Variants in SFRP1 observed in about 807,000 individuals in gnomAD.
The protein encoded by SFRP1 is secreted frizzled related protein 1.
SFRP1 carries 9 observed loss-of-function variants against 25.9 expected under a neutral mutation model. The observed-to-expected ratio is 0.35, with a 90% CI of 0.21 to 0.61. The LOEUF (loss-of-function observed/expected upper bound fraction) is 0.61. Among genes scored for constraint, SFRP1 ranks in the 20% least tolerant of loss-of-function variants. The probability of loss-of-function intolerance (pLI) is 0.78; values close to 1 mark genes in which losing one functional copy is unlikely to be tolerated. For synonymous variants in SFRP1, 178 were observed against 174.0 expected (o/e 1.02, Z -0.18); for missense variants, 346 against 418.2 (o/e 0.83, Z 1.51).
chr8:41,300,041 A>C (rs1803895844), intron 2 of SFRP1, among the ~76,000 whole-genome samples: 1 of 152,202 alleles, frequency 6.6e-6, no homozygotes, highest in Admixed American at 6.5e-5. Flanking sequence ...CCCAAGGTTT[A>C]GTTTGGAAAG....
At chr8:41,286,507 G>T (rs1279087882) in intron 2 of SFRP1, among the ~76,000 whole-genome samples, 2 of 152,104 alleles carry the variant, frequency 1.3e-5, no homozygotes, top group Non-Finnish European at 2.9e-5. Flanking sequence ...AGCGGGGCGG[G>T]GGGAGGGGGT....
At chr8:41,296,736 G>A (rs2117511812) in intron 2 of SFRP1, among the ~76,000 whole-genome samples, 1 of 152,234 alleles carries the variant, frequency 6.6e-6, no homozygotes, top group East Asian at 1.9e-4. Context: ...GCACAAAGGG[G>A]CTCTGAAGTC....
At chr8:41,274,561 A>C (rs1458687871) in intron 2 of SFRP1, among the ~76,000 whole-genome samples, 2 of 152,230 alleles carry the variant, frequency 1.3e-5, no homozygotes, top group African/African-American at 4.8e-5. Flanking sequence ...CTTTAACTTC[A>C]ATAACAGAAA....
intron 2 of SFRP1, among the ~76,000 whole-genome samples, chr8:41,296,989 G>A (rs1478643328): frequency 6.6e-6 from 1 of 152,122 alleles, no homozygotes; most frequent in Non-Finnish European, 1.5e-5. Context: ...GGAGTTGTTT[G>A]TTATTGTTAT....
At position 41,262,997 on chromosome 8, in the gene SFRP1, ATT is replaced by A. The variant is rs1803392672; in HGVS notation, c.*2168_*2169del. The A allele has an allele frequency of 6.6e-6, 1 of 152,182 alleles. No individual in the cohort carries two copies. Among genetic ancestry groups the A allele is most frequent in the Admixed American group, 6.5e-5 (1 of 15,286 alleles). The allele number at this position is 152,182 out of a possible 1,614,324, so 9.4% of individuals were successfully genotyped here. On this transcript the variant is annotated 3_prime_UTR_variant, in exon 3 of 3. Coordinates refer to ENST00000220772, the MANE Select transcript of SFRP1 (RefSeq NM_003012.5). The stretch of plus-strand genomic sequence containing the variant: ...TGAAGCTGTTGCTTCCTACCTGAGA[ATT>A]CCCATTTAGAGAGCTGCACAGCACA...
intron 2 of SFRP1, among the ~76,000 whole-genome samples, chr8:41,278,726 C>T (rs529056652): frequency 6.6e-6 from 1 of 152,324 alleles, no homozygotes; most frequent in South Asian, 2.1e-4. Context: ...TCAAAGACAG[C>T]CCCGGAAAAA....
At chr8:41,306,846 T>C in intron 1 of SFRP1, 1 of 1,597,880 alleles carries the variant, frequency 6.3e-7, no homozygotes, top group Non-Finnish European at 8.5e-7. Flanking sequence ...TTATGGGGTT[T>C]CCCCATCCCA....
intron 2 of SFRP1, among the ~76,000 whole-genome samples, chr8:41,274,467 A>G (rs1233393901): frequency 6.6e-6 from 1 of 152,262 alleles, no homozygotes; most frequent in Non-Finnish European, 1.5e-5. Context: ...AATAATATTT[A>G]CATAATTATA....
chr8:41,293,679 T>C (rs896451028), intron 2 of SFRP1, among the ~76,000 whole-genome samples: 1 of 151,976 alleles, frequency 6.6e-6, no homozygotes, highest in Admixed American at 6.5e-5. Flanking sequence ...CAAAGGCATC[T>C]GAAGTTACCA....
chr8:41,296,394 C>T (rs1049754389), intron 2 of SFRP1, among the ~76,000 whole-genome samples: 1 of 151,990 alleles, frequency 6.6e-6, no homozygotes, highest in African/African-American at 2.4e-5. Context: ...AGATTTCAAG[C>T]ACAATCTATA....
At chr8:41,295,190 A>G (rs999715885) in intron 2 of SFRP1, among the ~76,000 whole-genome samples, 7 of 151,960 alleles carry the variant, frequency 4.6e-5, no homozygotes, top group African/African-American at 1.4e-4. Flanking sequence ...GTGAAACCCC[A>G]TCTCTACTAA....
intron 2 of SFRP1, among the ~76,000 whole-genome samples, chr8:41,296,206 G>A (rs1437638496): frequency 6.6e-6 from 1 of 152,236 alleles, no homozygotes; most frequent in African/African-American, 2.4e-5. Flanking sequence ...GTTCAAATAT[G>A]TATTATATGT....
At chr8:41,298,329 A>G (rs1384331695) in intron 2 of SFRP1, 2 of 152,252 alleles carry the variant, frequency 1.3e-5, no homozygotes, top group Admixed American at 1.3e-4. Flanking sequence ...AATTTATTGT[A>G]TATTTCAAAT....
At chr8:41,288,318 T>C (rs1158672501) in intron 2 of SFRP1, among the ~76,000 whole-genome samples, 2 of 151,822 alleles carry the variant, frequency 1.3e-5, no homozygotes, top group East Asian at 1.9e-4. Context: ...AATCGTGCCA[T>C]TGCACTCCAG....
At chr8:41,306,913 C>A (rs1237167302) in intron 1 of SFRP1, 1 of 1,573,990 alleles carries the variant, frequency 6.4e-7, no homozygotes, top group South Asian at 1.1e-5. Context: ...TCAGGCAACC[C>A]GTCCAATCCC....
Position 41,309,028 on chromosome 8 carries a change from G to C in SFRP1, c.132C>G (p.Gly44=). The change falls in exon 1 of 3, where the codon GGC becomes GGG. Residue 44 remains glycine, a synonymous_variant. Coordinates refer to ENST00000220772, the MANE Select transcript of SFRP1 (RefSeq NM_003012.5). ...TGTAGAAGCGCCCGCTCTGGTACGG[G>C]CCGATGTCCGACTGGAAGCTCACGT... is the stretch of plus-strand genomic sequence containing the variant. ...YDYVSFQSDI[G]PYQSGRFYTK... 1.9e-6 allele frequency: 3 copies of C among 1,607,746 alleles called. No individual in the cohort carries two copies. The highest frequency in any genetic ancestry group is 2.5e-6 in the Non-Finnish European group (3 of 1,179,458).
intron 2 of SFRP1, among the ~76,000 whole-genome samples, chr8:41,301,892 A>G (rs961789535): frequency 3.3e-5 from 5 of 152,218 alleles, no homozygotes; most frequent in Admixed American, 6.5e-5. Flanking sequence ...TGCCGTGGGA[A>G]GAAGATGTCC....
At chr8:41,293,831 G>A (rs1803807816) in intron 2 of SFRP1, among the ~76,000 whole-genome samples, 1 of 152,118 alleles carries the variant, frequency 6.6e-6, no homozygotes. Flanking sequence ...GGAGTGCAGT[G>A]GCCTGAACAC....
intron 2 of SFRP1, among the ~76,000 whole-genome samples, chr8:41,303,148 GA>G (rs1423935884): frequency 6.6e-6 from 1 of 151,194 alleles, no homozygotes; most frequent in African/African-American, 2.4e-5. Flanking sequence ...CAGCTTCTGA[GA>G]AGGAGCTGCT....
Sources: gnomAD v4.1 joint callset for allele counts (sites outside exome capture counted in the v4.1 genomes callset) on GRCh38, gnomAD v4.1.1 for gene constraint, MANE v1.5 for transcripts, NCBI Gene and HGNC (gene_info 2026-07-23, HGNC 2026-07-21) for gene names.